FERMT3: variants seen among roughly 807,000 people sequenced by gnomAD.
FERMT3 encodes the protein FERM domain containing kindlin 3.
Under a neutral mutation model 80.8 loss-of-function variants are expected in FERMT3, and 33 were observed. The ratio of observed to expected loss-of-function variants is 0.41; its 90% confidence interval spans 0.31 to 0.55. FERMT3 has a LOEUF of 0.55. Among genes scored for constraint, FERMT3 ranks in the 20% least tolerant of loss-of-function variants. The pLI is 0.31. For missense variants in FERMT3, 754 were observed against 908.7 expected, an observed-to-expected ratio of 0.83 and a Z score of 2.19; for synonymous variants, 375 against 372.2, an observed-to-expected ratio of 1.01 and a Z score of -0.09.
intron 13 of FERMT3, 108 bp from the exon 14 acceptor site, chr11:64,222,932 CAGCTGGTG>C: frequency 2.1e-6 from 3 of 1,430,860 alleles, no homozygotes; most frequent in Non-Finnish European, 2.9e-6. Context: ...CAGGGTTACA[CAGCTGGTG>C]AGCTGCAGTC....
rs367568281 is a variant in FERMT3 at position 64,210,765 on chromosome 11, C to G, written c.315C>G (p.Pro105=). ...PQHRPVILRL[P]NRRALRLRAS... The stretch of plus-strand genomic sequence containing the variant: ...ACCGGCCCGTCATCCTTCGGTTGCC[C>G]AACCGCCGCGCACTGCGCCTCCGTG... The change falls in exon 3 of 15, where the codon CCC becomes CCG. Residue 105 remains proline, a synonymous_variant. Transcript: ENST00000345728. This position sits in a 1 kb window ranked among gnomAD's most constrained non-coding sequence, Gnocchi z 4.3. 140 of 1,614,144 alleles carry G rather than the reference C, an allele frequency of 8.7e-5. No homozygotes were observed. Among genetic ancestry groups the G allele is most frequent in the Non-Finnish European group, 1.0e-4 (118 of 1,180,022 alleles).
At chr11:64,216,011 T>C (rs576667183) in intron 6 of FERMT3, among the ~76,000 whole-genome samples, 4 of 152,088 alleles carry the variant, frequency 2.6e-5, no homozygotes, top group South Asian at 4.1e-4. Context: ...TTTGTATTTT[T>C]AGTAAAGACA....
Position 64,219,788 on chromosome 11 carries a change from C to A in FERMT3, c.1078C>A (p.Arg360=). The part of the protein sequence containing the change: ...PELKDHLRIF[R]PRKLTLKGYR... ...GCTCAAGGACCATCTCCGAATCTTT[C>A]GGTGAGTTGGGGGCCAGAGTAGGCA... Residue 360 remains arginine, a splice_region_variant and synonymous_variant, in exon 9 of 15, where the codon CGG becomes AGG. Transcript: ENST00000345728. The surrounding 1 kb of genome is among the most constrained non-coding windows in gnomAD (Gnocchi z 4.0). 1 of 1,614,070 alleles carries A rather than the reference C, an allele frequency of 6.2e-7. No individual in the cohort carries two copies. Among genetic ancestry groups the A allele is most frequent in the Non-Finnish European group, 8.5e-7 (1 of 1,180,016 alleles).
At chr11:64,215,448 C>G (rs1002643408) in intron 6 of FERMT3, among the ~76,000 whole-genome samples, 2 of 152,116 alleles carry the variant, frequency 1.3e-5, no homozygotes, top group African/African-American at 2.4e-5. Context: ...GATATGAGCA[C>G]TTTGCCAGAT....
chr11:64,211,195 T>C lies in FERMT3; in HGVS notation c.514+24T>C, dbSNP rs773755175. ...GGGTGAGTGCAAGTGGGGGTGGGCC[T>C]GGGGGGTTGGGGGCAGGGGCCGGCC... On this transcript the variant is annotated intron_variant, in intron 4 of 14. Coordinates refer to ENST00000345728, the MANE Select transcript of FERMT3 (RefSeq NM_031471.6). This position sits in a 1 kb window ranked among gnomAD's most constrained non-coding sequence, Gnocchi z 4.7. The C allele has an allele frequency of 7.3e-6, 1 of 137,178 alleles. No individual in the cohort carries two copies. The highest frequency in any genetic ancestry group is 9.3e-6 in the Non-Finnish European group (1 of 107,198). 8.5% of individuals were successfully genotyped at this position (137,178 alleles called of 1,614,324 possible).
Position 64,208,459 on chromosome 11 carries a change from TC to T in FERMT3, c.160+937del, listed in dbSNP as rs1328096066. Among the ~76,000 whole-genome samples, 3 of 152,248 alleles carry T rather than the reference TC, an allele frequency of 2.0e-5. No homozygotes were observed. The East Asian group carries it at 5.8e-4, about 29-fold the overall frequency. On this transcript the variant is annotated intron_variant, in intron 2 of 14. Transcript: ENST00000345728. ...CGCTGCTGGGCACCCCAGGGCAAGT[TC>T]CTTTAGCTCTGTGTTCCCTGTGGTG...
rs1310586608 is a variant in FERMT3 at position 64,219,407 on chromosome 11, C to T, written c.894+49C>T. ...CAGGGCAGGTGGGAGGTGAGCCAGT[C>T]CCAGGGCAGGAAGGGCCTTCCTGAG... On this transcript the variant is annotated intron_variant, in intron 7 of 14. Transcript: ENST00000345728. This position sits in a 1 kb window ranked among gnomAD's most constrained non-coding sequence, Gnocchi z 4.0. 6.4e-6 allele frequency: 10 copies of T among 1,565,596 alleles called. No homozygotes were observed. The Admixed American group carries it at 1.9e-4, about 30-fold the overall frequency.
intron 2 of FERMT3, among the ~76,000 whole-genome samples, chr11:64,209,647 C>T (rs1046974058): frequency 3.3e-5 from 5 of 152,126 alleles, no homozygotes; most frequent in South Asian, 2.1e-4. Flanking sequence ...GGGGAAGTGC[C>T]GGAGGACGAG....
intron 11 of FERMT3, 22 bp from the exon 12 acceptor site, chr11:64,220,413 TC>T: frequency 1.2e-6 from 2 of 1,609,662 alleles, no homozygotes; most frequent in East Asian, 2.2e-5. Flanking sequence ...GTTAGCACTG[TC>T]CCCCTCACCC....
chr11:64,223,480 T>C lies in FERMT3; in HGVS notation c.1980T>C (p.His660=). ...TCTTCCTGCAGCTCACCGGGGGCCA[T>C]GAGGCCTTCTGAGGGCTGTCTGATT... ...EDLFLQLTGG[H]EAF The change falls in exon 15 of 15, where the codon CAT becomes CAC. Residue 660 remains histidine (H), a synonymous_variant. Coordinates refer to ENST00000345728, the MANE Select transcript of FERMT3 (RefSeq NM_031471.6). 1.9e-6 allele frequency: 3 copies of C among 1,608,674 alleles called. No individual in the cohort carries two copies. Among genetic ancestry groups the C allele is most frequent in the Non-Finnish European group, 2.5e-6 (3 of 1,179,642 alleles).
chr11:64,209,349 T>TG (rs1374711054), intron 2 of FERMT3, among the ~76,000 whole-genome samples: 2 of 152,070 alleles, frequency 1.3e-5, no homozygotes, highest in Non-Finnish European at 2.9e-5. Flanking sequence ...GGTTTCTGGC[T>TG]GGGGGCCCAG....
At chr11:64,215,789 G>C (rs1311349249) in intron 6 of FERMT3, among the ~76,000 whole-genome samples, 2 of 151,854 alleles carry the variant, frequency 1.3e-5, no homozygotes, top group Non-Finnish European at 2.9e-5. Flanking sequence ...GCCCAGATTG[G>C]GTCTCAAGTT....
chr11:64,211,038 C>T lies in FERMT3; in HGVS notation c.395-14C>T. 1 of 1,604,894 alleles carries T rather than the reference C, an allele frequency of 6.2e-7. No individual in the cohort carries two copies. Among genetic ancestry groups the T allele is most frequent in the Non-Finnish European group, 8.5e-7 (1 of 1,175,982 alleles). ...GCAGGACCTAGTCCCCGCTGAGACCCTAGCTCCCCTCAGGCATCCGGCACC... is the reference window on the plus strand; with the variant it reads ...GCAGGACCTAGTCCCCGCTGAGACCTTAGCTCCCCTCAGGCATCCGGCACC... On this transcript the variant is annotated splice_polypyrimidine_tract_variant and intron_variant, in intron 3 of 14. Transcript: ENST00000345728. The surrounding 1 kb of genome is among the most constrained non-coding windows in gnomAD (Gnocchi z 4.7).
At chr11:64,212,103 C>A (rs1258270959) in intron 6 of FERMT3, among the ~76,000 whole-genome samples, 1 of 152,162 alleles carries the variant, frequency 6.6e-6, no homozygotes, top group Non-Finnish European at 1.5e-5. Flanking sequence ...GAGGCCCAAG[C>A]CTGGGAGCTC....
chr11:64,218,000 CT>C lies in FERMT3; in HGVS notation c.787-1230del, dbSNP rs34718711. ...CATCTTCCAAATTATTTCCTTTTTC[CT>C]TTTTTTTTTTTTTTTTTTTTGTGAC... On this transcript the variant is annotated intron_variant, in intron 6 of 14. Transcript: ENST00000345728. Among the ~76,000 whole-genome samples, 486 of 119,478 alleles carry C rather than the reference CT, an allele frequency of 4.1e-3. 2 individuals carry two copies. Among genetic ancestry groups the C allele is most frequent in the Middle Eastern group, 0.038 (7 of 184 alleles). The allele number at this position is 119,478 out of a possible 152,430, so 78.4% of individuals were successfully genotyped here. A position where few individuals can be genotyped will look rare whatever the true frequency, so the allele number is the denominator to read the frequency against.
rs1474063254 is a variant in FERMT3 at position 64,223,206 on chromosome 11, G to T, written c.1812+17G>T. ...ATCCGGCAGGTGGGCCCAGACCCAG[G>T]GTATATGGATGGGGGACAGGTGCAG... On this transcript the variant is annotated intron_variant, in intron 14 of 14. Transcript: ENST00000345728. 1 of 1,613,676 alleles carries T rather than the reference G, an allele frequency of 6.2e-7. No individual in the cohort carries two copies. The highest frequency in any genetic ancestry group is 8.5e-7 in the Non-Finnish European group (1 of 1,180,034).
chr11:64,219,538 G>A lies in FERMT3; in HGVS notation c.909G>A (p.Lys303=). Residue 303 remains lysine, a synonymous_variant, in exon 8 of 15, where the codon AAG becomes AAA. Transcript: ENST00000345728. This position sits in a 1 kb window ranked among gnomAD's most constrained non-coding sequence, Gnocchi z 4.0. The stretch of plus-strand genomic sequence containing the variant: ...TGACCACCTAGTACCACATCAACAA[G>A]CTGTCCCAGAGCGGGGAGGTGGGGG... ...VFAALQYHIN[K]LSQSGEVGEP... is the part of the protein sequence containing the mutation. 1.2e-6 allele frequency: 2 copies of A among 1,608,448 alleles called. No homozygotes were observed. The highest frequency in any genetic ancestry group is 8.5e-7 in the Non-Finnish European group (1 of 1,178,288).
chr11:64,209,761 C>T (rs903091274), intron 2 of FERMT3, among the ~76,000 whole-genome samples: 7 of 152,110 alleles, frequency 4.6e-5, no homozygotes, highest in Admixed American at 1.3e-4. Flanking sequence ...GAAAACTCAC[C>T]GGGAGGACCT....
chr11:64,222,363 G>A (rs555085646), intron 13 of FERMT3, among the ~76,000 whole-genome samples: 3 of 151,530 alleles, frequency 2.0e-5, no homozygotes, highest in African/African-American at 2.4e-5. Flanking sequence ...TCAGGAGTTC[G>A]AGACCAGCCT....
Sources: allele counts gnomAD v4.1 joint callset (sites outside exome capture counted in the v4.1 genomes callset), GRCh38; gene constraint gnomAD v4.1.1; non-coding constraint Gnocchi (gnomAD v3.1); transcripts MANE v1.5; gene names NCBI Gene and HGNC (gene_info 2026-07-23, HGNC 2026-07-21).